HS6ST2: variants seen among roughly 807,000 people sequenced by gnomAD.
HS6ST2 encodes the protein heparan sulfate 6-O-sulfotransferase 2, also known as heparan-sulfate 6-O-sulfotransferase 2.
HS6ST2 carries 17 observed loss-of-function variants against 33.0 expected under a neutral mutation model. The ratio of observed to expected loss-of-function variants is 0.52; its 90% CI spans 0.35 to 0.77. HS6ST2 has a LOEUF of 0.77. HS6ST2 is among the 30% of genes least tolerant of loss of function. HS6ST2 has a pLI of 0.01. For missense variants in HS6ST2, 519 were observed against 551.7 expected, an observed-to-expected ratio of 0.94 and a Z score of 0.59; for synonymous variants, 248 against 237.1, an observed-to-expected ratio of 1.05 and a Z score of -0.42.
intron 2 of HS6ST2, among the ~76,000 whole-genome samples, chrX:132,806,994 C>T (rs1268667728): frequency 9.1e-6 from 1 of 110,356 alleles, no homozygotes; most frequent in Non-Finnish European, 1.9e-5. Context: ...CAAATGAGGA[C>T]ATTGAGACAC....
chrX:132,933,422 G>A (rs765663975), intron 2 of HS6ST2, among the ~76,000 whole-genome samples: 2 of 110,881 alleles, frequency 1.8e-5, no homozygotes, highest in South Asian at 7.7e-4. Context: ...TAGACATTAC[G>A]CAATCTGAAA....
At chrX:132,955,945 A>T (rs1360838789) in intron 2 of HS6ST2, among the ~76,000 whole-genome samples, 1 of 112,328 alleles carries the variant, frequency 8.9e-6, no homozygotes, top group Non-Finnish European at 1.9e-5. Flanking sequence ...TTTTTTGTAA[A>T]TCAGGAGAGG....
intron 2 of HS6ST2, among the ~76,000 whole-genome samples, chrX:132,841,253 T>G (rs1029042441): frequency 4.5e-5 from 5 of 111,090 alleles, no homozygotes; most frequent in African/African-American, 6.6e-5. Context: ...TATCTGGAGG[T>G]TTTTCCCCCC....
At chrX:132,735,990 G>A (rs1174022495) in intron 2 of HS6ST2, among the ~76,000 whole-genome samples, 7 of 110,647 alleles carry the variant, frequency 6.3e-5, no homozygotes, top group Non-Finnish European at 1.1e-4. Context: ...CATGCCATGC[G>A]TGCACCACCA....
intron 2 of HS6ST2, among the ~76,000 whole-genome samples, chrX:132,851,618 T>A (rs1166365651): frequency 8.9e-6 from 1 of 112,027 alleles, no homozygotes; most frequent in Non-Finnish European, 1.9e-5. Flanking sequence ...AAATATCACA[T>A]CATAAATTGG....
At chrX:132,670,411 T>C (rs1569479412) in intron 3 of HS6ST2, among the ~76,000 whole-genome samples, 1 of 111,296 alleles carries the variant, frequency 9.0e-6, no homozygotes, top group Non-Finnish European at 1.9e-5. Context: ...AATGATGGGT[T>C]CCTGGTGATT....
intron 2 of HS6ST2, among the ~76,000 whole-genome samples, chrX:132,923,970 A>G (rs1004038581): frequency 8.9e-6 from 1 of 112,431 alleles, no homozygotes; most frequent in Non-Finnish European, 1.9e-5. Context: ...CAAGCATCCA[A>G]TGCTAGCCCG....
chrX:132,944,677 C>T (rs7885329), intron 2 of HS6ST2, among the ~76,000 whole-genome samples: 12,123 of 110,325 alleles, frequency 0.11, 1,652 homozygotes, highest in African/African-American at 0.38. Flanking sequence ...TGGAACAGAA[C>T]AGAGCCCTCA....
chrX:132,935,976 C>A (rs1238567689), intron 2 of HS6ST2, among the ~76,000 whole-genome samples: 1 of 106,905 alleles, frequency 9.4e-6, no homozygotes, highest in Non-Finnish European at 1.9e-5. Flanking sequence ...ATAAAGCAAG[C>A]AGAAGAAAAG....
At chrX:132,795,214 T>C (rs1387926439) in intron 2 of HS6ST2, among the ~76,000 whole-genome samples, 1 of 112,035 alleles carries the variant, frequency 8.9e-6, no homozygotes, top group Non-Finnish European at 1.9e-5. Context: ...TTTCTGTTTC[T>C]ATGGATTTGC....
intron 2 of HS6ST2, among the ~76,000 whole-genome samples, chrX:132,949,375 A>T (rs2066987032): frequency 9.0e-6 from 1 of 110,593 alleles, no homozygotes. Flanking sequence ...TTTATAAATT[A>T]AAATTTATAA....
At chrX:132,856,394 T>G (rs1314222610) in intron 2 of HS6ST2, among the ~76,000 whole-genome samples, 1 of 112,189 alleles carries the variant, frequency 8.9e-6, no homozygotes, top group East Asian at 2.8e-4. Context: ...ATATAGGGTT[T>G]CAGGCATCCG....
chrX:132,904,371 C>A (rs1427931431), intron 2 of HS6ST2, among the ~76,000 whole-genome samples: 42 of 111,391 alleles, frequency 3.8e-4, no homozygotes, highest in Middle Eastern at 4.7e-3. Context: ...CCGGCTTTTA[C>A]TATTAAAAAC....
chrX:132,815,884 T>C (rs1277337489), intron 2 of HS6ST2, among the ~76,000 whole-genome samples: 1 of 111,509 alleles, frequency 9.0e-6, no homozygotes, highest in Non-Finnish European at 1.9e-5. Context: ...AGGGTTTCTT[T>C]CTAGAGTGAT....
At position 132,715,342 on chromosome X, in the gene HS6ST2, G is replaced by A. The variant is rs373336912; in HGVS notation, c.948-6848C>T. 9.4e-4 allele frequency among the ~76,000 whole-genome samples: 105 copies of A among 112,206 alleles called. 1 individual carries two copies. The South Asian group carries it at 0.037, about 39-fold the overall frequency. ...CCCAGCTACTCTGGAGGCTGAGGCA[G>A]GAGGAGCGGCTTGAGCCCAGGAGTT... On this transcript the variant is annotated intron_variant, in intron 2 of 4. Transcript: ENST00000370833.
chrX:132,717,338 A>C (rs186232971), intron 2 of HS6ST2, among the ~76,000 whole-genome samples: 1 of 112,859 alleles, frequency 8.9e-6, no homozygotes, highest in African/African-American at 3.2e-5. Flanking sequence ...TTCATATCCC[A>C]GCTCTCCTAC....
chrX:132,637,498 T>C (rs1017952716), intron 4 of HS6ST2, among the ~76,000 whole-genome samples: 5 of 108,196 alleles, frequency 4.6e-5, no homozygotes, highest in African/African-American at 1.7e-4. Flanking sequence ...GCTGTAAACA[T>C]TTACTTTCCT....
chrX:132,949,580 G>T (rs1223545039), intron 2 of HS6ST2, among the ~76,000 whole-genome samples: 1 of 110,210 alleles, frequency 9.1e-6, no homozygotes, highest in African/African-American at 3.3e-5. Flanking sequence ...CTCATTAAAG[G>T]CTCCCAGGAT....
At chrX:132,917,622 T>C (rs1279891549) in intron 2 of HS6ST2, among the ~76,000 whole-genome samples, 1 of 109,864 alleles carries the variant, frequency 9.1e-6, no homozygotes, top group African/African-American at 3.3e-5. Flanking sequence ...TGTTGAAAGA[T>C]GTTTCTTTTG....
Sources: gnomAD v4.1 joint callset for allele counts (sites outside exome capture counted in the v4.1 genomes callset) on GRCh38, gnomAD v4.1.1 for gene constraint, MANE v1.5 for transcripts, NCBI Gene and HGNC (gene_info 2026-07-23, HGNC 2026-07-21) for gene names.